SOS2: variants seen among roughly 807,000 people sequenced by gnomAD.
The protein encoded by SOS2 is SOS Ras/Rho guanine nucleotide exchange factor 2.
A neutral mutation model predicts 148.2 loss-of-function variants in SOS2; 65 were observed. That is an observed-to-expected ratio of 0.44 (90% CI 0.36 to 0.54). The LOEUF (loss-of-function observed/expected upper bound fraction) is 0.54. Among genes scored for constraint, SOS2 ranks in the 20% least tolerant of loss-of-function variants. The probability of loss-of-function intolerance (pLI) is 0.00; values close to 1 mark genes in which losing one functional copy is unlikely to be tolerated. For missense variants in SOS2, 1,341 were observed against 1,590.2 expected (o/e 0.84, Z 2.67); for synonymous variants, 539 against 537.1 (o/e 1.00, Z -0.05).
chr14:50,210,107 T>C (rs1427537456), intron 1 of SOS2, among the ~76,000 whole-genome samples: 1 of 152,178 alleles, frequency 6.6e-6, no homozygotes, highest in Non-Finnish European at 1.5e-5. Flanking sequence ...CATATGTCTG[T>C]AAGGAAGTAC....
intron 2 of SOS2, among the ~76,000 whole-genome samples, chr14:50,202,665 T>A (rs1420312095): frequency 6.6e-6 from 1 of 151,602 alleles, no homozygotes; most frequent in East Asian, 1.9e-4. Flanking sequence ...ATCCCAGGAG[T>A]TCAAGGCTAC....
rs1884930737 is a variant in SOS2 at position 50,159,592 on chromosome 14, G to A, written c.1691C>T (p.Pro564Leu). ...SVLLKEENEQ[P>L]LRLPSPEVYR... Reference sequence around the variant, plus strand: ...TACTTCAGGACTTGGTAATCTCAGTGGTTGCTCATTTTCTTCTTTCAATAA... The same window carrying A: ...TACTTCAGGACTTGGTAATCTCAGTAGTTGCTCATTTTCTTCTTTCAATAA... Residue 564 changes from proline (P) to leucine (L), a missense_variant, in exon 10 of 23, where the codon CCA becomes CTA. This residue lies in a region of SOS2 where 574 missense variants were observed against 711.1 expected (regional missense o/e 0.81). Transcript: ENST00000216373. 6.2e-7 allele frequency: 1 copy of A among 1,613,716 alleles called. No individual in the cohort carries two copies.
In SOS2 at chr14:50,192,246, C is replaced by T. The variant is rs536133428; in HGVS notation, c.511-3546G>A. 3.3e-5 allele frequency among the ~76,000 whole-genome samples: 5 copies of T among 151,840 alleles called. No homozygotes were observed. In the East Asian group the frequency reaches 9.7e-4, roughly 29 times the overall value. Reference sequence around the variant, plus strand: ...ATGAAAGAGAAAATATATTCATACCCCACTCCTGTTAGCTTCAGATTTTTC... The same window carrying T: ...ATGAAAGAGAAAATATATTCATACCTCACTCCTGTTAGCTTCAGATTTTTC... On this transcript the variant is annotated intron_variant, in intron 4 of 22. Coordinates refer to ENST00000216373, the MANE Select transcript of SOS2 (RefSeq NM_006939.4).
chr14:50,204,573 T>C (rs909606361), intron 1 of SOS2, among the ~76,000 whole-genome samples, 164 bp from the exon 2 acceptor site: 2 of 152,342 alleles, frequency 1.3e-5, no homozygotes, highest in East Asian at 3.9e-4. Context: ...AAACTTTTCT[T>C]AACCCACAGA....
intron 21 of SOS2, among the ~76,000 whole-genome samples, chr14:50,122,178 T>C (rs1006560633): frequency 1.3e-5 from 2 of 152,108 alleles, no homozygotes; most frequent in East Asian, 3.9e-4. Context: ...AAAGGAGATA[T>C]TCTGGGGGCT....
chr14:50,132,427 G>A (rs1013870398), intron 19 of SOS2, among the ~76,000 whole-genome samples: 31 of 150,366 alleles, frequency 2.1e-4, no homozygotes, highest in Admixed American at 6.0e-4. Context: ...TTGGGAGGTC[G>A]AGGCAGGTGG....
chr14:50,220,285 A>T (rs1347769396), intron 1 of SOS2, among the ~76,000 whole-genome samples: 1 of 150,564 alleles, frequency 6.6e-6, no homozygotes, highest in Non-Finnish European at 1.5e-5. Flanking sequence ...GGGCGCCTGT[A>T]GTCCCAGCTA....
intron 1 of SOS2, among the ~76,000 whole-genome samples, chr14:50,218,920 C>T (rs1424157055): frequency 2.6e-5 from 4 of 152,056 alleles, no homozygotes; most frequent in African/African-American, 9.7e-5. Flanking sequence ...CGAGACCATC[C>T]TGGCCAATAC....
Position 50,208,440 on chromosome 14 carries a change from A to G in SOS2, c.88-4031T>C, listed in dbSNP as rs191045070. Among the ~76,000 whole-genome samples the G allele has an allele frequency of 3.4e-3, 518 of 152,222 alleles. 2 individuals carry two copies. The highest frequency in any genetic ancestry group is 0.012 in the African/African-American group (495 of 41,538). On this transcript the variant is annotated intron_variant, in intron 1 of 22. Coordinates refer to ENST00000216373, the MANE Select transcript of SOS2 (RefSeq NM_006939.4). ...GCTGAGACGGGGGGATCACAAGGTC[A>G]GAGTTTGAGACCACCCTGGCCAATA...
intron 4 of SOS2, among the ~76,000 whole-genome samples, chr14:50,195,996 C>T (rs1886299657): frequency 6.6e-6 from 1 of 152,038 alleles, no homozygotes; most frequent in Non-Finnish European, 1.5e-5. Context: ...CACTGCACTC[C>T]AACCTGGGCG....
At chr14:50,177,155 C>T (rs954852603) in intron 7 of SOS2, among the ~76,000 whole-genome samples, 1 of 151,466 alleles carries the variant, frequency 6.6e-6, no homozygotes, top group African/African-American at 2.4e-5. Context: ...CTGTCTCTAC[C>T]AAAAAAATAC....
intron 1 of SOS2, among the ~76,000 whole-genome samples, chr14:50,209,789 A>G (rs539478000): frequency 4.2e-4 from 64 of 152,244 alleles, no homozygotes; most frequent in African/African-American, 1.4e-3. Flanking sequence ...TTTACAGTAG[A>G]ATTTAAAATA....
At chr14:50,212,903 T>C (rs2139825416) in intron 1 of SOS2, among the ~76,000 whole-genome samples, 1 of 152,308 alleles carries the variant, frequency 6.6e-6, no homozygotes, top group South Asian at 2.1e-4. Context: ...ATGGTAATGA[T>C]GTTCAGCCTG....
rs777300218 is a variant in SOS2 at position 50,199,827 on chromosome 14, T to A, written c.374A>T (p.His125Leu). 16 of 1,589,210 alleles carry A rather than the reference T, an allele frequency of 1.0e-5. No homozygotes were observed. In the Admixed American group the frequency reaches 1.7e-4, roughly 17 times the overall value. The change falls in exon 4 of 23, where the codon CAT (histidine) becomes CTT (leucine). Residue 125 changes from histidine to leucine, a missense_variant. Coordinates refer to ENST00000216373, the MANE Select transcript of SOS2 (RefSeq NM_006939.4). ...TACAGCCACAATATATAGGGATACATGGTAGTCCACTTTGTACCCTAATAC... is the reference window on the plus strand; with the variant it reads ...TACAGCCACAATATATAGGGATACAAGGTAGTCCACTTTGTACCCTAATAC... ...KEVLGYKVDY[H>L]VSLYIVAVLE... is the part of the protein sequence containing the mutation.
At chr14:50,191,267 C>G (rs1719259958) in intron 4 of SOS2, among the ~76,000 whole-genome samples, 1 of 152,000 alleles carries the variant, frequency 6.6e-6, no homozygotes, top group African/African-American at 2.4e-5. Flanking sequence ...GCATTCAAGA[C>G]CAGCCTGGGC....
At chr14:50,132,844 G>A (rs1209149447) in intron 19 of SOS2, among the ~76,000 whole-genome samples, 6 of 152,116 alleles carry the variant, frequency 3.9e-5, no homozygotes, top group South Asian at 2.1e-4. Context: ...TCACCAAGGA[G>A]ACCTTCTCCA....
At chr14:50,212,540 A>G (rs530754852) in intron 1 of SOS2, among the ~76,000 whole-genome samples, 10 of 152,376 alleles carry the variant, frequency 6.6e-5, no homozygotes, top group African/African-American at 2.2e-4. Flanking sequence ...TATCCTGAGA[A>G]AAGTGCTGAC....
chr14:50,155,126 A>G (rs960273647), intron 12 of SOS2, among the ~76,000 whole-genome samples: 3 of 151,804 alleles, frequency 2.0e-5, no homozygotes, highest in African/African-American at 7.3e-5. Flanking sequence ...AGATGAATAC[A>G]TATCTAGGTG....
chr14:50,204,969 C>A (rs554504115), intron 1 of SOS2, among the ~76,000 whole-genome samples: 30 of 150,814 alleles, frequency 2.0e-4, no homozygotes, highest in Non-Finnish European at 4.0e-4. Flanking sequence ...ATTTTCTGTC[C>A]TAAATAATAA....
Sources: gnomAD v4.1 joint callset for allele counts (sites outside exome capture counted in the v4.1 genomes callset) on GRCh38, gnomAD v4.1.1 for gene constraint, gnomAD v4.1.1 regional missense constraint, MANE v1.5 for transcripts, NCBI Gene and HGNC (gene_info 2026-07-23, HGNC 2026-07-21) for gene names.